Variants in HECW2 observed in about 807,000 individuals in gnomAD.
HECW2 encodes the protein E3 ubiquitin-protein ligase HECW2.
A neutral mutation model predicts 175.2 loss-of-function variants in HECW2; 61 were observed. The observed-to-expected ratio is 0.35, with a 90% CI of 0.28 to 0.43. The LOEUF is 0.43. Among genes scored for constraint, HECW2 ranks in the 20% least tolerant of loss-of-function variants. HECW2 has a pLI of 1.00. For synonymous variants in HECW2, 671 were observed against 731.0 expected, an observed-to-expected ratio of 0.92 and a Z score of 1.32; for missense variants, 1,524 against 2,000.5, an observed-to-expected ratio of 0.76 and a Z score of 4.54.
intron 1 of HECW2, among the ~76,000 whole-genome samples, chr2:196,521,895 G>A (rs1429709570): frequency 6.0e-4 from 91 of 150,758 alleles, no homozygotes; most frequent in Non-Finnish European, 1.0e-3. Context: ...TTGGACATTT[G>A]GGTTGGTTCC....
chr2:196,335,488 A>T (rs187264800), intron 3 of HECW2, among the ~76,000 whole-genome samples: 81 of 152,318 alleles, frequency 5.3e-4, no homozygotes, highest in African/African-American at 1.8e-3. Context: ...CCTCTCTCAA[A>T]TGAGTCACCA....
rs1170755800 is a variant in HECW2, at chr2:196,368,461, T to C, written c.293-24697A>G. On this transcript the variant is annotated intron_variant, in intron 2 of 28. Coordinates refer to ENST00000644978, the MANE Select transcript of HECW2 (RefSeq NM_001348768.2). ...TATTAAATGTCTTGAGGTAGTCTTGTTTTAGTTAAATCTACTTGCTGTTCT... is the reference window on the plus strand; with the variant it reads ...TATTAAATGTCTTGAGGTAGTCTTGCTTTAGTTAAATCTACTTGCTGTTCT... 2.6e-5 allele frequency among the ~76,000 whole-genome samples: 4 copies of C among 152,218 alleles called. No individual in the cohort carries two copies. The South Asian group carries it at 6.2e-4, about 24-fold the overall frequency.
At chr2:196,273,735 T>C (rs1482106255) in intron 16 of HECW2, among the ~76,000 whole-genome samples, 1 of 152,192 alleles carries the variant, frequency 6.6e-6, no homozygotes, top group African/African-American at 2.4e-5. Context: ...TGTATTACCT[T>C]AATAAATTAT....
chr2:196,279,094 G>T (rs1235776636), intron 14 of HECW2, among the ~76,000 whole-genome samples: 1 of 151,880 alleles, frequency 6.6e-6, no homozygotes, highest in African/African-American at 2.4e-5. Context: ...TGTCACCCAG[G>T]CTGGAGTGCA....
chr2:196,544,965 C>G (rs779528116), intron 1 of HECW2, among the ~76,000 whole-genome samples: 2 of 152,208 alleles, frequency 1.3e-5, no homozygotes, highest in African/African-American at 2.4e-5. Flanking sequence ...TCTGAGTAGA[C>G]CCCTCTCAAG....
chr2:196,260,431 C>T (rs1689242590), intron 17 of HECW2: 1 of 152,192 alleles, frequency 6.6e-6, no homozygotes, highest in South Asian at 2.1e-4. Context: ...TTCTGCGTGC[C>T]TATTGTGTGC....
chr2:196,307,280 G>T, intron 11 of HECW2, 47 bp from the exon 12 acceptor site: 2 of 1,266,420 alleles, frequency 1.6e-6, no homozygotes, highest in Non-Finnish European at 2.3e-6. Flanking sequence ...TTTAAGAGAT[G>T]GGACTCAACT....
chr2:196,202,555 T>C (rs1386825223), intron 28 of HECW2, among the ~76,000 whole-genome samples: 1 of 152,160 alleles, frequency 6.6e-6, no homozygotes, highest in African/African-American at 2.4e-5. Context: ...ACATGCTTAA[T>C]AGAATGACTG....
intron 15 of HECW2, among the ~76,000 whole-genome samples, chr2:196,278,265 A>T (rs4850390): frequency 0.72 from 103,047 of 143,744 alleles, 38,721 homozygotes; most frequent in East Asian, 0.98. Context: ...CATTATCAAC[A>T]CCCTCTCACC....
chr2:196,584,478 AT>A (rs1453685813), intron 1 of HECW2, among the ~76,000 whole-genome samples: 1 of 152,154 alleles, frequency 6.6e-6, no homozygotes, highest in Non-Finnish European at 1.5e-5. Flanking sequence ...GCAGAACAAA[AT>A]TCTGATTCTT....
chr2:196,433,208 T>C lies in HECW2; in HGVS notation c.216A>G (p.Gln72=), dbSNP rs554467306. The change falls in exon 2 of 29, where the codon CAA becomes CAG. Residue 72 remains glutamine (Q), a synonymous_variant. Transcript: ENST00000644978. The stretch of plus-strand genomic sequence containing the variant: ...CCCAGAAGATAATGAGGTTCTGGGC[T>C]TGCCCCAGCGTGTACTCGTACATGC... The part of the protein sequence containing the change: ...TASMYEYTLG[Q]AQNLIIFWDI... The C allele has an allele frequency of 7.8e-5, 126 of 1,614,200 alleles. 2 individuals are homozygous for C. The South Asian group carries it at 1.3e-3, about 16-fold the overall frequency.
At chr2:196,532,882 G>A (rs777389395) in intron 1 of HECW2, among the ~76,000 whole-genome samples, 94 of 152,164 alleles carry the variant, frequency 6.2e-4, no homozygotes, top group Non-Finnish European at 6.6e-4. Context: ...ATAACTTAGC[G>A]TGGCTCAGTG....
intron 1 of HECW2, among the ~76,000 whole-genome samples, chr2:196,583,315 T>A (rs1690858983): frequency 6.6e-6 from 1 of 152,326 alleles, no homozygotes; most frequent in Middle Eastern, 3.4e-3. Flanking sequence ...GAGGATCTCA[T>A]CCACAGACTG....
At chr2:196,560,634 G>A (rs1181476676) in intron 1 of HECW2, among the ~76,000 whole-genome samples, 2 of 152,172 alleles carry the variant, frequency 1.3e-5, no homozygotes, top group African/African-American at 4.8e-5. Flanking sequence ...CAGAAAATCA[G>A]TTTCTCAAGT....
chr2:196,535,438 G>A (rs1355096642), intron 1 of HECW2, among the ~76,000 whole-genome samples: 1 of 152,184 alleles, frequency 6.6e-6, no homozygotes, highest in Non-Finnish European at 1.5e-5. Context: ...CGGTTAGAGT[G>A]GTGAGTTTGG....
intron 1 of HECW2, among the ~76,000 whole-genome samples, chr2:196,452,670 C>T (rs947142155): frequency 5.7e-4 from 86 of 151,984 alleles, no homozygotes; most frequent in African/African-American, 2.0e-3. Flanking sequence ...AGCACCTGCA[C>T]AAAAGACCAC....
intron 1 of HECW2, among the ~76,000 whole-genome samples, chr2:196,527,761 A>G (rs968956022): frequency 1.2e-4 from 18 of 152,348 alleles, no homozygotes; most frequent in African/African-American, 4.1e-4. Flanking sequence ...GCTTTGAACC[A>G]TATTTCAAGC....
chr2:196,592,853 C>T (rs1245909606), intron 1 of HECW2: 4 of 150,244 alleles, frequency 2.7e-5, no homozygotes, highest in Non-Finnish European at 5.9e-5. Flanking sequence ...TCGCCCGGAC[C>T]CGCGGCCCCG....
At chr2:196,560,717 T>C (rs1689969346) in intron 1 of HECW2, among the ~76,000 whole-genome samples, 1 of 152,186 alleles carries the variant, frequency 6.6e-6, no homozygotes, top group South Asian at 2.1e-4. Context: ...CACAAAAAAG[T>C]CCATACTGTT....
Sources: gnomAD v4.1 joint callset for allele counts (sites outside exome capture counted in the v4.1 genomes callset) on GRCh38, gnomAD v4.1.1 for gene constraint, MANE v1.5 for transcripts, NCBI Gene and HGNC (gene_info 2026-07-23, HGNC 2026-07-21) for gene names.